Variants in NDRG2 observed in about 807,000 individuals in gnomAD.
NDRG2 encodes protein NDRG2.
Under a neutral mutation model 58.2 loss-of-function variants are expected in NDRG2, and 34 were observed. The ratio of observed to expected loss-of-function variants is 0.58; its 90% CI spans 0.44 to 0.78. NDRG2 has a LOEUF of 0.78. Ranked by LOEUF, NDRG2 falls within the 30% of genes least tolerant of loss-of-function variation. The pLI is 0.00. For missense variants in NDRG2, 434 were observed against 471.2 expected (o/e 0.92, Z 0.73); for synonymous variants, 187 against 175.9 (o/e 1.06, Z -0.50).
At chr14:21,034,043 G>T in intron 1 of NDRG2, 1 of 1,614,084 alleles carries the variant, frequency 6.2e-7, no homozygotes, top group Non-Finnish European at 8.5e-7. Context: ...AGAACTTCTG[G>T]ATGGCCTTCC....
chr14:21,068,401 G>T (rs1886403244), intron 1 of NDRG2, among the ~76,000 whole-genome samples: 1 of 151,962 alleles, frequency 6.6e-6, no homozygotes, highest in Non-Finnish European at 1.5e-5. Context: ...CTACCTAAGA[G>T]TAGTGAGCCT....
chr14:21,058,991 C>G (rs1885813642), intron 1 of NDRG2, among the ~76,000 whole-genome samples: 1 of 152,238 alleles, frequency 6.6e-6, no homozygotes, highest in Non-Finnish European at 1.5e-5. Flanking sequence ...AGAGCAGCAC[C>G]CTGAGCAGGC....
In NDRG2 at chr14:21,017,121, C is replaced by T. The variant is rs1877232248; in HGVS notation, c.*475G>A. ...AACCCACCAGCAAGTCTCCCCCTGA[C>T]ACACATTCACGTAGGTCCATACCCT... On this transcript the variant is annotated 3_prime_UTR_variant, in exon 16 of 16. Transcript: ENST00000556147. The T allele has an allele frequency of 4.8e-6, 2 of 419,402 alleles. No individual in the cohort carries two copies. Among genetic ancestry groups the T allele is most frequent in the African/African-American group, 2.0e-5 (1 of 49,608 alleles). 26.0% of individuals were successfully genotyped at this position (419,402 alleles called of 1,614,324 possible).
chr14:21,052,172 A>T (rs979283409), intron 1 of NDRG2, among the ~76,000 whole-genome samples: 1 of 152,242 alleles, frequency 6.6e-6, no homozygotes, highest in Non-Finnish European at 1.5e-5. Flanking sequence ...CAGAGTGATG[A>T]CTGAGTTCAA....
At chr14:21,034,449 C>T (rs1338450811) in intron 1 of NDRG2, among the ~76,000 whole-genome samples, 1 of 152,162 alleles carries the variant, frequency 6.6e-6, no homozygotes, top group Non-Finnish European at 1.5e-5. Context: ...GATGCTTGCC[C>T]AAGGCCACCC....
Position 21,070,326 on chromosome 14 carries a change from C to G in NDRG2, c.24+502G>C, listed in dbSNP as rs1479952246. 3.6e-6 allele frequency: 5 copies of G among 1,389,616 alleles called. No individual in the cohort carries two copies. In the East Asian group the frequency reaches 1.3e-4, roughly 35 times the overall value. 86.1% of individuals were successfully genotyped at this position (1,389,616 alleles called of 1,614,324 possible). ...GCCAGACCCGGCGAGACACGAGCGG[C>G]GGGAGGGAGGCGGTGGCGCGCCCGG... On this transcript the variant is annotated intron_variant, in intron 1 of 14. Coordinates refer to the NDRG2 transcript ENST00000403829. The surrounding 1 kb of genome is among the most constrained non-coding windows in gnomAD (Gnocchi z 4.7).
At chr14:21,030,731 G>A (rs375215559), upstream of NDRG2, 3 of 1,614,000 alleles carry the variant, frequency 1.9e-6, no homozygotes, top group Non-Finnish European at 1.7e-6. Context: ...CCACGGACGT[G>A]GACATCGTGT....
chr14:21,033,583 A>G (rs1268410), intron 1 of NDRG2: 97,574 of 568,920 alleles, frequency 0.17, 10,034 homozygotes, highest in East Asian at 0.43. Flanking sequence ...CTGGGAGAGG[A>G]AGGATGATGA....
At chr14:21,022,572 G>T (rs1267355662) in intron 3 of NDRG2, 75 bp from the exon 4 acceptor site, 2 of 1,119,758 alleles carry the variant, frequency 1.8e-6, no homozygotes, top group South Asian at 2.7e-5. Flanking sequence ...CAAGGTCAGG[G>T]AGCTGGGAGT....
At chr14:21,055,593 G>A (rs956905241) in intron 1 of NDRG2, among the ~76,000 whole-genome samples, 4 of 152,166 alleles carry the variant, frequency 2.6e-5, no homozygotes, top group Non-Finnish European at 5.9e-5. Flanking sequence ...CTGGCCAGCT[G>A]CATGGGCCAG....
upstream of NDRG2, chr14:21,025,660 G>T (rs1047365205): frequency 9.1e-6 from 9 of 985,158 alleles, no homozygotes; most frequent in Non-Finnish European, 1.1e-5. The surrounding 1 kb of genome is among the most constrained non-coding windows in gnomAD (Gnocchi z 5.1). Context: ...ACTCCCTCGT[G>T]CCCAGAGTCC....
At position 21,070,499 on chromosome 14, in the gene NDRG2, A is replaced by T; in HGVS notation, c.24+329T>A. The T allele has an allele frequency of 7.5e-7, 1 of 1,332,512 alleles. No individual in the cohort carries two copies. The highest frequency in any genetic ancestry group is 9.7e-7 in the Non-Finnish European group (1 of 1,029,772). The allele number at this position is 1,332,512 out of a possible 1,614,324, so 82.5% of individuals were successfully genotyped here. A position where few individuals can be genotyped will look rare whatever the true frequency, so the allele number is the denominator to read the frequency against. On this transcript the variant is annotated intron_variant, in intron 1 of 14. Transcript: ENST00000403829. This position sits in a 1 kb window ranked among gnomAD's most constrained non-coding sequence, Gnocchi z 4.7. ...CTGGTGCCTCCCGAGCCTGCCTCGG[A>T]CTGTTCGGCCCCTCTGGGACTCTCC... is the stretch of plus-strand genomic sequence containing the variant.
At chr14:21,054,826 C>A (rs1040075306) in intron 1 of NDRG2, among the ~76,000 whole-genome samples, 4 of 152,116 alleles carry the variant, frequency 2.6e-5, no homozygotes, top group Admixed American at 2.6e-4. Flanking sequence ...TGCTTTGGCT[C>A]GTGAAGCACC....
At chr14:21,023,373 G>T in intron 1 of NDRG2, 52 bp from the exon 2 acceptor site, 4 of 1,482,810 alleles carry the variant, frequency 2.7e-6, no homozygotes, top group South Asian at 1.2e-5. Flanking sequence ...TCCCCACATC[G>T]CCTCAAACAC....
intron 1 of NDRG2, among the ~76,000 whole-genome samples, chr14:21,047,867 C>T (rs955959467): frequency 1.3e-5 from 2 of 152,098 alleles, no homozygotes; most frequent in African/African-American, 2.4e-5. Context: ...GAAGTCTCCA[C>T]ACACTGAAGT....
intron 6 of NDRG2, 50 bp downstream of exon 6, chr14:21,021,767 C>A (rs1169062488): frequency 6.3e-7 from 1 of 1,582,300 alleles, no homozygotes; most frequent in East Asian, 2.3e-5. Context: ...TAAGGGTCTC[C>A]TTGTGCTGGA....
At chr14:21,032,229 G>C in intron 1 of NDRG2, 154 of 796,074 alleles carry the variant, frequency 1.9e-4, no homozygotes, top group Non-Finnish European at 2.9e-4. Flanking sequence ...GGGAGAAGAG[G>C]CAGCACAGGA....
Position 21,031,035 on chromosome 14 carries a change from C to T in NDRG2, c.25-7714G>A, listed in dbSNP as rs767894947. The T allele has an allele frequency of 4.3e-6, 7 of 1,613,108 alleles. No individual in the cohort carries two copies. Among genetic ancestry groups the T allele is most frequent in the African/African-American group, 2.7e-5 (2 of 74,876 alleles). ...AGGGCCAAGAACGCCCGAACCATCA[C>T]GTTTCAACAGTTCAAAGAGGCAGTG... On this transcript the variant is annotated intron_variant, in intron 1 of 14. Coordinates refer to the NDRG2 transcript ENST00000403829.
intron 1 of NDRG2, chr14:21,043,392 T>C (rs1566496796): frequency 1.2e-6 from 2 of 1,613,722 alleles, no homozygotes; most frequent in East Asian, 2.2e-5. Flanking sequence ...CGTAGTGGCC[T>C]GTAAGCCTCC....
Sources: allele counts gnomAD v4.1 joint callset (sites outside exome capture counted in the v4.1 genomes callset), GRCh38; gene constraint gnomAD v4.1.1; non-coding constraint Gnocchi (gnomAD v3.1); transcripts MANE v1.5; gene names NCBI Gene and HGNC (gene_info 2026-07-23, HGNC 2026-07-21).